Variants in NAALADL2 observed in about 807,000 individuals in gnomAD.
NAALADL2 encodes the protein N-acetylated alpha-linked acidic dipeptidase like 2, also known as inactive N-acetylated-alpha-linked acidic dipeptidase-like protein 2.
A neutral mutation model predicts 87.2 loss-of-function variants in NAALADL2; 76 were observed. The observed-to-expected ratio is 0.87, with a 90% CI of 0.72 to 1.05. The LOEUF (loss-of-function observed/expected upper bound fraction) is 1.05. NAALADL2 is among the 50% of genes least tolerant of loss of function. The pLI is 0.00. For missense variants in NAALADL2, 1,089 were observed against 945.8 expected, an observed-to-expected ratio of 1.15 and a Z score of -1.99; for synonymous variants, 354 against 331.0, an observed-to-expected ratio of 1.07 and a Z score of -0.75.
chr3:175,782,614 C>T (rs1228548948), intron 13 of NAALADL2, among the ~76,000 whole-genome samples: 2 of 142,988 alleles, frequency 1.4e-5, no homozygotes, highest in African/African-American at 5.7e-5. Context: ...AGCCCTTTGT[C>T]AGATGAGTAG....
chr3:174,808,675 C>G (rs1245291537), intron 3 of NAALADL2, among the ~76,000 whole-genome samples: 1 of 151,992 alleles, frequency 6.6e-6, no homozygotes, highest in African/African-American at 2.4e-5. Flanking sequence ...GGATTATTTT[C>G]CCCTAGAGAG....
chr3:174,992,813 A>C (rs1338704696), intron 1 of NAALADL2, among the ~76,000 whole-genome samples: 2 of 152,316 alleles, frequency 1.3e-5, no homozygotes, highest in South Asian at 2.1e-4. Context: ...AAATCTAGTC[A>C]TCCGTGCATC....
intron 3 of NAALADL2, among the ~76,000 whole-genome samples, chr3:174,807,548 C>A (rs758753792): frequency 6.6e-6 from 1 of 151,952 alleles, no homozygotes; most frequent in Non-Finnish European, 1.5e-5. Context: ...TGACATGTTG[C>A]CATGCTAATA....
chr3:175,324,678 A>G (rs1264308041), intron 5 of NAALADL2, among the ~76,000 whole-genome samples: 1 of 152,216 alleles, frequency 6.6e-6, no homozygotes, highest in Non-Finnish European at 1.5e-5. Flanking sequence ...GGAGCATGAA[A>G]TGTCTGCTGC....
intron 1 of NAALADL2, among the ~76,000 whole-genome samples, chr3:175,018,785 A>T (rs9819818): frequency 0.24 from 37,084 of 152,038 alleles, 8,682 homozygotes; most frequent in African/African-American, 0.62. Context: ...AAGAGCATGC[A>T]AAGTTTACAT....
At chr3:174,805,954 A>C (rs1007207165) in intron 3 of NAALADL2, among the ~76,000 whole-genome samples, 9 of 152,178 alleles carry the variant, frequency 5.9e-5, no homozygotes, top group African/African-American at 2.2e-4. Flanking sequence ...GATTAAGCTA[A>C]CTTTGTTCTT....
intron 2 of NAALADL2, among the ~76,000 whole-genome samples, chr3:174,679,789 A>G (rs1727359858): frequency 1.3e-5 from 2 of 152,224 alleles, no homozygotes; most frequent in African/African-American, 4.8e-5. Flanking sequence ...ATATTGCAAA[A>G]TATTAATTTA....
intron 2 of NAALADL2, among the ~76,000 whole-genome samples, chr3:174,600,944 A>G (rs1718391417): frequency 6.6e-6 from 1 of 152,194 alleles, no homozygotes. Flanking sequence ...AATTCAAACT[A>G]TATCAGTAGG....
chr3:174,735,136 T>TA (rs1362786532), intron 2 of NAALADL2, among the ~76,000 whole-genome samples: 1 of 152,178 alleles, frequency 6.6e-6, no homozygotes, highest in Non-Finnish European at 1.5e-5. Context: ...CACAAATAAG[T>TA]AGCTTCATAA....
chr3:174,653,170 T>C (rs751916095), intron 2 of NAALADL2, among the ~76,000 whole-genome samples: 1 of 152,176 alleles, frequency 6.6e-6, no homozygotes, highest in Non-Finnish European at 1.5e-5. Flanking sequence ...ACACATACTC[T>C]AAGTTCCAAC....
chr3:174,855,387 T>C (rs1016496625), upstream of NAALADL2, among the ~76,000 whole-genome samples: 1 of 152,166 alleles, frequency 6.6e-6, no homozygotes, highest in Non-Finnish European at 1.5e-5. Context: ...ATGACTATGG[T>C]GTATTAACTT....
intron 5 of NAALADL2, among the ~76,000 whole-genome samples, 162 bp from the exon 6 acceptor site, chr3:175,447,067 T>A (rs1720826468): frequency 6.6e-6 from 1 of 152,220 alleles, no homozygotes; most frequent in Non-Finnish European, 1.5e-5. Context: ...GTATCTCAAA[T>A]AATGTTAATA....
intron 2 of NAALADL2, among the ~76,000 whole-genome samples, chr3:174,609,366 G>A (rs1459279346): frequency 6.6e-6 from 1 of 152,030 alleles, no homozygotes; most frequent in African/African-American, 2.4e-5. Flanking sequence ...AAAAGAGGAA[G>A]TCAAATTGTC....
chr3:175,030,632 A>T (rs1752697457), intron 1 of NAALADL2, among the ~76,000 whole-genome samples: 1 of 152,088 alleles, frequency 6.6e-6, no homozygotes, highest in African/African-American at 2.4e-5. Context: ...ATTGATTTAC[A>T]ATTAGGACTG....
intron 3 of NAALADL2, among the ~76,000 whole-genome samples, chr3:174,767,149 T>C (rs1368006416): frequency 2.0e-5 from 3 of 152,182 alleles, no homozygotes; most frequent in African/African-American, 7.2e-5. Flanking sequence ...GTTGAAAGAT[T>C]GGTGAAAATT....
At chr3:174,507,477 G>A (rs73881198) in intron 1 of NAALADL2, among the ~76,000 whole-genome samples, 4,782 of 151,948 alleles carry the variant, frequency 0.031, 242 homozygotes, top group African/African-American at 0.11. Flanking sequence ...TTGAAGTACA[G>A]TTTGTATACA....
chr3:175,273,912 C>T (rs1487575007), intron 4 of NAALADL2, among the ~76,000 whole-genome samples: 3 of 151,574 alleles, frequency 2.0e-5, no homozygotes, highest in South Asian at 2.1e-4. Context: ...AAATTAAAAT[C>T]GTTAAGTTTC....
At chr3:174,810,796 G>A (rs577398847) in intron 3 of NAALADL2, among the ~76,000 whole-genome samples, 1 of 152,094 alleles carries the variant, frequency 6.6e-6, no homozygotes, top group Non-Finnish European at 1.5e-5. Flanking sequence ...TCAAGAAAAT[G>A]GGGAGAAGAC....
At chr3:175,058,251 G>A (rs2109061534) in intron 1 of NAALADL2, among the ~76,000 whole-genome samples, 1 of 152,304 alleles carries the variant, frequency 6.6e-6, no homozygotes, top group Non-Finnish European at 1.5e-5. Flanking sequence ...TCCAGAGAGA[G>A]AACAATCACC....
Sources: gnomAD v4.1 joint callset for allele counts (sites outside exome capture counted in the v4.1 genomes callset) on GRCh38, gnomAD v4.1.1 for gene constraint, MANE v1.5 for transcripts, NCBI Gene and HGNC (gene_info 2026-07-23, HGNC 2026-07-21) for gene names.